Variants in TTC7B observed in about 807,000 individuals in gnomAD.
TTC7B encodes the protein tetratricopeptide repeat protein 7B.
Under a neutral mutation model 106.8 loss-of-function variants are expected in TTC7B, and 28 were observed. The ratio of observed to expected loss-of-function variants is 0.26; its 90% CI spans 0.19 to 0.36. The LOEUF is 0.36. TTC7B is among the 10% of genes least tolerant of loss of function. The probability of loss-of-function intolerance (pLI) is 1.00; values close to 1 mark genes in which losing one functional copy is unlikely to be tolerated. For synonymous variants in TTC7B, 405 were observed against 430.6 expected, an observed-to-expected ratio of 0.94 and a Z score of 0.74; for missense variants, 862 against 1,076.4, an observed-to-expected ratio of 0.80 and a Z score of 2.79.
intron 5 of TTC7B, among the ~76,000 whole-genome samples, chr14:90,729,775 G>T (rs1998187): frequency 0.079 from 11,986 of 152,176 alleles, 1,059 homozygotes; most frequent in African/African-American, 0.22. Context: ...CATTCATGGA[G>T]GGAGGGCATG....
intron 9 of TTC7B, among the ~76,000 whole-genome samples, chr14:90,666,948 C>T (rs753491177): frequency 1.4e-4 from 22 of 152,316 alleles, no homozygotes; most frequent in Middle Eastern, 6.8e-3. Flanking sequence ...CTCCGGGGTC[C>T]TACTCAAATA....
At chr14:90,554,780 C>T (rs964587055) in intron 19 of TTC7B, among the ~76,000 whole-genome samples, 2 of 152,286 alleles carry the variant, frequency 1.3e-5, no homozygotes, top group East Asian at 1.9e-4. Context: ...AAGAAGAAGG[C>T]GGAAGCTCAG....
intron 17 of TTC7B, among the ~76,000 whole-genome samples, chr14:90,595,677 T>C (rs993362576): frequency 3.3e-5 from 5 of 152,216 alleles, no homozygotes; most frequent in Admixed American, 6.5e-5. Flanking sequence ...TCTCATTGGC[T>C]TGAACAGTGG....
chr14:90,705,041 C>A (rs1314575268), intron 5 of TTC7B, among the ~76,000 whole-genome samples: 4 of 152,166 alleles, frequency 2.6e-5, no homozygotes. Context: ...CCCCTCTAAG[C>A]CATCCAGAGG....
chr14:90,587,115 C>A (rs1408621536), intron 18 of TTC7B, among the ~76,000 whole-genome samples: 1 of 152,180 alleles, frequency 6.6e-6, no homozygotes, highest in Non-Finnish European at 1.5e-5. Flanking sequence ...ACTTTGACTG[C>A]CTTCCATCCA....
intron 15 of TTC7B, among the ~76,000 whole-genome samples, chr14:90,641,936 T>C (rs67276327): frequency 0.24 from 30,419 of 125,454 alleles, 3,705 homozygotes; most frequent in Non-Finnish European, 0.32. Flanking sequence ...TGTGTGTGCG[T>C]GTGTGTGTGT....
chr14:90,593,675 C>T (rs748108348), intron 17 of TTC7B, 49 bp from the exon 18 acceptor site: 2 of 1,505,478 alleles, frequency 1.3e-6, no homozygotes, highest in Non-Finnish European at 1.8e-6. Flanking sequence ...AGAACAGACC[C>T]AACCAATCAA....
chr14:90,766,137 T>G (rs1392542797), intron 3 of TTC7B, among the ~76,000 whole-genome samples: 1 of 130,396 alleles, frequency 7.7e-6, no homozygotes, highest in Admixed American at 7.6e-5. Flanking sequence ...CCTACAACGT[T>G]TTTTTTTTTT....
At chr14:90,631,775 C>T (rs977728903) in intron 15 of TTC7B, among the ~76,000 whole-genome samples, 2 of 152,134 alleles carry the variant, frequency 1.3e-5, no homozygotes, top group African/African-American at 4.8e-5. Flanking sequence ...TCCTTGTCAA[C>T]ACTTGTGACT....
At chr14:90,710,515 G>A (rs913432309) in intron 5 of TTC7B, among the ~76,000 whole-genome samples, 3 of 152,166 alleles carry the variant, frequency 2.0e-5, no homozygotes, top group Non-Finnish European at 4.4e-5. Flanking sequence ...TCTACTGTGG[G>A]TAAAATGCTA....
chr14:90,630,831 G>GTTTTTTTTTTT (rs201616174), intron 15 of TTC7B, among the ~76,000 whole-genome samples: 2 of 141,864 alleles, frequency 1.4e-5, no homozygotes, highest in African/African-American at 2.5e-5. Context: ...CTTCTATCTT[G>GTTTTTTTTTTT]TTTTTTGTTT....
intron 19 of TTC7B, among the ~76,000 whole-genome samples, chr14:90,552,550 G>C (rs986294584): frequency 6.6e-6 from 1 of 152,154 alleles, no homozygotes; most frequent in Admixed American, 6.5e-5. Context: ...GCTCTCAGGT[G>C]GGGATAGAAC....
intron 16 of TTC7B, among the ~76,000 whole-genome samples, chr14:90,617,502 C>T (rs1893133509): frequency 6.6e-6 from 1 of 152,198 alleles, no homozygotes; most frequent in South Asian, 2.1e-4. Flanking sequence ...ATAGCCACTT[C>T]TCTTCTTAGT....
intron 6 of TTC7B, among the ~76,000 whole-genome samples, chr14:90,694,642 CAT>C (rs1296286075): frequency 8.2e-5 from 9 of 109,746 alleles, no homozygotes; most frequent in East Asian, 4.8e-4. Flanking sequence ...ATTTATAACA[CAT>C]ATGTCACATA....
At chr14:90,717,625 CT>C (rs1285854221) in intron 5 of TTC7B, among the ~76,000 whole-genome samples, 4 of 152,264 alleles carry the variant, frequency 2.6e-5, no homozygotes, top group Non-Finnish European at 4.4e-5. Flanking sequence ...GCAATTTTCT[CT>C]AACAGTTGAC....
At position 90,695,516 on chromosome 14, in the gene TTC7B, G is replaced by A. The variant is rs200237824; in HGVS notation, c.761C>T (p.Thr254Ile). 14 of 1,596,536 alleles carry A rather than the reference G, an allele frequency of 8.8e-6. No individual in the cohort carries two copies. Among genetic ancestry groups the A allele is most frequent in the East Asian group, 2.3e-5 (1 of 43,868 alleles). The change falls in exon 6 of 20, where the codon ACT becomes ATT. Residue 254 changes from threonine to isoleucine, a missense_variant. By Grantham distance (89) the Thr-to-Ile change is moderately conservative (BLOSUM62 -1). Coordinates refer to ENST00000328459, the MANE Select transcript of TTC7B (RefSeq NM_001010854.2). ...ELLRAVETRT[T>I]QNLRMTIARQ... ...CACACTTACCATTCGCAGGTTTTGA[G>A]TCGTTCTTGTTTCAACTGCTCTGAG... is the stretch of plus-strand genomic sequence containing the variant.
chr14:90,566,758 C>T (rs1884418998), intron 19 of TTC7B, among the ~76,000 whole-genome samples: 1 of 152,168 alleles, frequency 6.6e-6, no homozygotes, highest in African/African-American at 2.4e-5. Context: ...AGCCCTGGAA[C>T]CCTGGCAGAG....
At chr14:90,718,816 G>A (rs1888760368) in intron 5 of TTC7B, among the ~76,000 whole-genome samples, 1 of 111,488 alleles carries the variant, frequency 9.0e-6, no homozygotes, top group Admixed American at 8.7e-5. Flanking sequence ...GGGCATACAG[G>A]TACAGATCTG....
At chr14:90,542,790 C>T (rs1248540756) in intron 19 of TTC7B, among the ~76,000 whole-genome samples, 1 of 152,160 alleles carries the variant, frequency 6.6e-6, no homozygotes, top group African/African-American at 2.4e-5. Flanking sequence ...CTTTTAGTGG[C>T]CCTGGGGGAG....
Sources: allele counts gnomAD v4.1 joint callset (sites outside exome capture counted in the v4.1 genomes callset), GRCh38; gene constraint gnomAD v4.1.1; transcripts MANE v1.5; gene names NCBI Gene and HGNC (gene_info 2026-07-23, HGNC 2026-07-21).